ERO1A: variants seen among roughly 807,000 people sequenced by gnomAD.
ERO1A encodes endoplasmic reticulum oxidoreductase 1 alpha, also known as ERO1-like protein alpha.
A neutral mutation model predicts 76.9 loss-of-function variants in ERO1A; 49 were observed. That is an observed-to-expected ratio of 0.64 (90% CI 0.51 to 0.81). ERO1A has a LOEUF of 0.81. Ranked by LOEUF, ERO1A falls within the 30% of genes least tolerant of loss-of-function variation. The pLI, the probability that ERO1A is intolerant of heterozygous loss-of-function variation, is 0.00. For synonymous variants in ERO1A, 174 were observed against 181.2 expected, an observed-to-expected ratio of 0.96 and a Z score of 0.32; for missense variants, 448 against 542.1, an observed-to-expected ratio of 0.83 and a Z score of 1.72.
chr14:52,666,596 T>C (rs1050362068), intron 6 of ERO1A, 101 bp from the exon 7 acceptor site: 2 of 1,073,802 alleles, frequency 1.9e-6, no homozygotes, highest in East Asian at 2.9e-5. Flanking sequence ...ACCACAAATA[T>C]AACAATGTGT....
intron 1 of ERO1A, among the ~76,000 whole-genome samples, chr14:52,695,121 C>A (rs2041506062): frequency 6.6e-6 from 1 of 152,218 alleles, no homozygotes; most frequent in South Asian, 2.1e-4. Flanking sequence ...CCCACTCAAC[C>A]GCGTGCACCC....
intron 1 of ERO1A, among the ~76,000 whole-genome samples, chr14:52,688,315 T>A (rs2041245207): frequency 6.6e-6 from 1 of 152,146 alleles, no homozygotes; most frequent in South Asian, 2.1e-4. Flanking sequence ...GAACAGGTAG[T>A]GTGTAACAAT....
intron 3 of ERO1A, among the ~76,000 whole-genome samples, chr14:52,681,461 G>T (rs2040991206): frequency 2.0e-5 from 3 of 151,982 alleles, no homozygotes; most frequent in African/African-American, 7.3e-5. Flanking sequence ...AAATTAGCTG[G>T]GCGTGGTGGC....
intron 1 of ERO1A, among the ~76,000 whole-genome samples, 173 bp downstream of exon 1, chr14:52,695,195 G>A (rs937329351): frequency 1.4e-4 from 21 of 152,124 alleles, no homozygotes; most frequent in African/African-American, 4.3e-4. Context: ...TGGAGGCCCG[G>A]TCCACGCCAA....
At chr14:52,672,772 T>C (rs1185638691) in intron 4 of ERO1A, among the ~76,000 whole-genome samples, 1 of 121,142 alleles carries the variant, frequency 8.3e-6, no homozygotes, top group Non-Finnish European at 1.6e-5. Context: ...ACCCTGTCTC[T>C]GACCAAAAAA....
At chr14:52,688,852 A>T (rs1267164061) in intron 1 of ERO1A, among the ~76,000 whole-genome samples, 1 of 152,276 alleles carries the variant, frequency 6.6e-6, no homozygotes, top group Non-Finnish European at 1.5e-5. Flanking sequence ...GCAATGAAAG[A>T]CAAAACAACA....
chr14:52,646,973 C>T (rs67479215), intron 13 of ERO1A: 1,414 of 45,930 alleles, frequency 0.031, 178 homozygotes, highest in Middle Eastern at 0.13. Context: ...CCTTTGGTTT[C>T]TTTTTTTTTT....
In ERO1A at chr14:52,657,819, A is replaced by C. The variant is rs2040100059; in HGVS notation, c.808+98T>G. On this transcript the variant is annotated intron_variant, in intron 11 of 15. Transcript: ENST00000395686. Reference sequence around the variant, plus strand: ...GTGAATTTTTACTGCCTAATATTCAATCAGGTCAATCTTTTCCCATTCAGG... The same window carrying C: ...GTGAATTTTTACTGCCTAATATTCACTCAGGTCAATCTTTTCCCATTCAGG... The C allele has an allele frequency of 1.3e-5, 10 of 763,120 alleles. No individual in the cohort carries two copies. The Admixed American group carries it at 2.7e-4, about 21-fold the overall frequency. The allele number at this position is 763,120 out of a possible 1,614,324, so 47.3% of individuals were successfully genotyped here. A position where few individuals can be genotyped will look rare whatever the true frequency, so the allele number is the denominator to read the frequency against.
At chr14:52,651,956 C>T (rs1204075816) in intron 13 of ERO1A, among the ~76,000 whole-genome samples, 1 of 151,826 alleles carries the variant, frequency 6.6e-6, no homozygotes, top group African/African-American at 2.4e-5. Context: ...ACTCCCCACC[C>T]CCAGCCTGTG....
chr14:52,673,739 A>T (rs2040688399), intron 4 of ERO1A, among the ~76,000 whole-genome samples: 1 of 47,628 alleles, frequency 2.1e-5, no homozygotes, highest in African/African-American at 9.4e-5. Context: ...TAATTTTAAC[A>T]ATTACTCCTT....
chr14:52,683,295 A>C (rs1248790275), intron 2 of ERO1A, among the ~76,000 whole-genome samples: 1 of 147,528 alleles, frequency 6.8e-6, no homozygotes, highest in East Asian at 2.0e-4. Context: ...CATTCTTTTC[A>C]AACAAGAAAG....
intron 1 of ERO1A, among the ~76,000 whole-genome samples, chr14:52,687,314 C>T (rs1272414856): frequency 6.6e-6 from 1 of 152,152 alleles, no homozygotes; most frequent in Non-Finnish European, 1.5e-5. Flanking sequence ...CCTGCAGTCC[C>T]CGCTGCTTAG....
In ERO1A at chr14:52,643,527, C is replaced by T. The variant is rs76642475; in HGVS notation, c.*43G>A. 1.7e-5 allele frequency: 22 copies of T among 1,294,008 alleles called. No homozygotes were observed. Among genetic ancestry groups the T allele is most frequent in the East Asian group, 5.7e-5 (2 of 35,386 alleles). 80.2% of individuals were successfully genotyped at this position (1,294,008 alleles called of 1,614,324 possible). A position where few individuals can be genotyped will look rare whatever the true frequency, so the allele number is the denominator to read the frequency against. On this transcript the variant is annotated 3_prime_UTR_variant, in exon 16 of 16. Coordinates refer to ENST00000395686, the MANE Select transcript of ERO1A (RefSeq NM_014584.3). ...GCCTTTGAATGAAATTCCACTCTTT[C>T]GCCTCCATTGTCCAGAAACAGGCAC...
intron 7 of ERO1A, among the ~76,000 whole-genome samples, chr14:52,666,074 A>G (rs1170259295): frequency 6.6e-6 from 1 of 152,312 alleles, no homozygotes; most frequent in Non-Finnish European, 1.5e-5. Context: ...TTGGGAAATG[A>G]AGCAAACCTC....
intron 11 of ERO1A, among the ~76,000 whole-genome samples, chr14:52,655,794 A>G (rs1009852426): frequency 6.6e-6 from 1 of 152,138 alleles, no homozygotes; most frequent in Admixed American, 6.5e-5. Context: ...GGGTTTTTTT[A>G]ATGCAAACTT....
At chr14:52,683,965 T>C in intron 1 of ERO1A, 58 bp from the exon 2 acceptor site, 3 of 1,395,234 alleles carry the variant, frequency 2.2e-6, no homozygotes, top group Non-Finnish European at 2.9e-6. Flanking sequence ...CAGGGTTCTT[T>C]TTCCTCACAT....
At chr14:52,673,201 C>T (rs2139722583) in intron 4 of ERO1A, among the ~76,000 whole-genome samples, 1 of 152,176 alleles carries the variant, frequency 6.6e-6, no homozygotes, top group Admixed American at 6.5e-5. Context: ...GCAATCTTCC[C>T]CTCTCAGTCT....
intron 1 of ERO1A, among the ~76,000 whole-genome samples, chr14:52,689,750 T>G (rs2041294443): frequency 6.6e-6 from 1 of 152,108 alleles, no homozygotes; most frequent in Non-Finnish European, 1.5e-5. Context: ...CTATCAAAAC[T>G]CCAATGGCAT....
intron 11 of ERO1A, among the ~76,000 whole-genome samples, chr14:52,655,491 C>T (rs2040014533): frequency 6.6e-6 from 1 of 152,108 alleles, no homozygotes; most frequent in Non-Finnish European, 1.5e-5. Context: ...TTCTATGATA[C>T]ACTTACAGCA....
Sources: allele counts gnomAD v4.1 joint callset (sites outside exome capture counted in the v4.1 genomes callset), GRCh38; gene constraint gnomAD v4.1.1; transcripts MANE v1.5; gene names NCBI Gene and HGNC (gene_info 2026-07-23, HGNC 2026-07-21).